HMGA2: variants seen among roughly 807,000 people sequenced by gnomAD.
HMGA2 encodes high mobility group protein HMGI-C.
HMGA2 carries 8 observed loss-of-function variants against 19.1 expected under a neutral mutation model. The ratio of observed to expected loss-of-function variants is 0.42; its 90% CI spans 0.25 to 0.76. The LOEUF is 0.76. Among genes scored for constraint, HMGA2 ranks in the 30% least tolerant of loss-of-function variants. The probability of loss-of-function intolerance (pLI) is 0.28; values close to 1 mark genes in which losing one functional copy is unlikely to be tolerated. For missense variants in HMGA2, 109 were observed against 136.3 expected, an observed-to-expected ratio of 0.80 and a Z score of 1.00; for synonymous variants, 60 against 48.8, an observed-to-expected ratio of 1.23 and a Z score of -0.96.
At chr12:65,900,145 T>C (rs1332848375) in intron 3 of HMGA2, among the ~76,000 whole-genome samples, 2 of 152,338 alleles carry the variant, frequency 1.3e-5, no homozygotes, top group East Asian at 3.9e-4. Context: ...GTTTACTCTG[T>C]AGTCAGTGAA....
chr12:65,824,715 C>CTCTCTCTCTCTCTCTCTCTCTG lies in HMGA2; in HGVS notation c.-535_-534insGTCTCTCTCTCTCTCTCTCTCT, dbSNP rs1565697400. 6.9e-4 allele frequency: 14 copies of CTCTCTCTCTCTCTCTCTCTCTG among 20,166 alleles called. No individual in the cohort carries two copies. Among genetic ancestry groups the CTCTCTCTCTCTCTCTCTCTCTG allele is most frequent in the African/African-American group, 2.5e-3 (14 of 5,558 alleles). The allele number at this position is 20,166 out of a possible 1,614,324, so 1.2% of individuals were successfully genotyped here. ...AAGGCACTTTCAATCTCAATCTCTTCTCTCTCTCTCTCTCTCTCTCTCTCT... is the reference window on the plus strand; with the variant it reads ...AAGGCACTTTCAATCTCAATCTCTTCTCTCTCTCTCTCTCTCTCTCTGTCTCTCTCTCTCTCTCTCTCTCTCT... On this transcript the variant is annotated 5_prime_UTR_variant, in exon 1 of 5. Coordinates refer to ENST00000403681, the MANE Select transcript of HMGA2 (RefSeq NM_003483.6).
At chr12:65,851,845 AG>A (rs1871488129) in intron 3 of HMGA2, among the ~76,000 whole-genome samples, 1 of 152,214 alleles carries the variant, frequency 6.6e-6, no homozygotes. Context: ...TCGTGATGAA[AG>A]GCCTTTCTGA....
chr12:65,853,064 G>A (rs778294277), intron 3 of HMGA2, among the ~76,000 whole-genome samples: 17 of 152,280 alleles, frequency 1.1e-4, no homozygotes, highest in South Asian at 4.2e-4. Flanking sequence ...GACAATGGCC[G>A]TGTCTGCAGT....
At chr12:65,859,315 A>T (rs1871921786) in intron 3 of HMGA2, 1 of 152,194 alleles carries the variant, frequency 6.6e-6, no homozygotes, top group African/African-American at 2.4e-5. Flanking sequence ...CCTGTTTTCC[A>T]ATGCACACTT....
chr12:65,847,588 C>T (rs1299357656), intron 3 of HMGA2, among the ~76,000 whole-genome samples: 1 of 152,196 alleles, frequency 6.6e-6, no homozygotes, highest in Non-Finnish European at 1.5e-5. Flanking sequence ...ATTAAGAGCT[C>T]AGACTGCCTG....
intron 3 of HMGA2, among the ~76,000 whole-genome samples, chr12:65,864,613 A>T (rs2120998972): frequency 6.6e-6 from 1 of 152,286 alleles, no homozygotes; most frequent in South Asian, 2.1e-4. Context: ...TAGGAAAAAA[A>T]GGTTTAAATT....
chr12:65,935,458 A>G (rs1414541457), intron 3 of HMGA2, among the ~76,000 whole-genome samples: 3 of 152,078 alleles, frequency 2.0e-5, no homozygotes, highest in Non-Finnish European at 1.5e-5. Flanking sequence ...TGTGTTATAC[A>G]TGCTCGTTAT....
In HMGA2 at chr12:65,951,363, CT is replaced by C; in HGVS notation, c.250-15del. On this transcript the variant is annotated intron_variant, in intron 3 of 4. Coordinates refer to ENST00000403681, the MANE Select transcript of HMGA2 (RefSeq NM_003483.6). ...ATGTATATTTTCTTTTAAAATATAT[CT>C]TTTTCTTTTCCTCCTTAGCCACAAC... 1 of 1,472,332 alleles carries C rather than the reference CT, an allele frequency of 6.8e-7. No individual in the cohort carries two copies. Among genetic ancestry groups the C allele is most frequent in the South Asian group, 1.3e-5 (1 of 76,052 alleles). 91.2% of individuals were successfully genotyped at this position (1,472,332 alleles called of 1,614,324 possible). A position where few individuals can be genotyped will look rare whatever the true frequency, so the allele number is the denominator to read the frequency against.
At chr12:65,854,093 A>G (rs1219274558) in intron 3 of HMGA2, among the ~76,000 whole-genome samples, 4 of 152,200 alleles carry the variant, frequency 2.6e-5, no homozygotes, top group African/African-American at 9.6e-5. Flanking sequence ...TGGCTGATGA[A>G]GGTACACATT....
At chr12:65,939,648 G>A (rs528258037) in intron 3 of HMGA2, among the ~76,000 whole-genome samples, 61 of 152,228 alleles carry the variant, frequency 4.0e-4, no homozygotes, top group African/African-American at 8.4e-4. Flanking sequence ...GAGACACCAC[G>A]CCCGGCCACA....
chr12:65,875,241 C>A (rs1487722793), intron 3 of HMGA2, among the ~76,000 whole-genome samples: 3 of 152,018 alleles, frequency 2.0e-5, no homozygotes, highest in Non-Finnish European at 4.4e-5. Context: ...GGCAATAATA[C>A]CAGATGTATT....
At chr12:65,827,920 A>G in intron 1 of HMGA2, 81 bp from the exon 2 acceptor site, 2 of 977,778 alleles carry the variant, frequency 2.0e-6, no homozygotes, top group Non-Finnish European at 3.3e-6. Context: ...CAGCACATGC[A>G]GAAAATATAG....
chr12:65,876,562 C>T (rs1035058240), intron 3 of HMGA2, among the ~76,000 whole-genome samples: 40 of 152,170 alleles, frequency 2.6e-4, no homozygotes, highest in African/African-American at 9.4e-4. Context: ...GAAAGAGATT[C>T]TAATTTGGTT....
Sources: gnomAD v4.1 joint callset for allele counts (sites outside exome capture counted in the v4.1 genomes callset) on GRCh38, gnomAD v4.1.1 for gene constraint, MANE v1.5 for transcripts, NCBI Gene and HGNC (gene_info 2026-07-23, HGNC 2026-07-21) for gene names.